SPDYE4: variants seen among roughly 807,000 people sequenced by gnomAD.
The protein encoded by SPDYE4 is speedy/RINGO cell cycle regulator family member E4, also known as speedy protein E4.
In SPDYE4, 30 loss-of-function variants were observed where a neutral mutation model predicts 37.5. That is an observed-to-expected ratio of 0.80 (90% CI 0.60 to 1.09). The LOEUF (loss-of-function observed/expected upper bound fraction) is 1.09, where lower values mean the gene tolerates loss of function less well. Among genes scored for constraint, SPDYE4 ranks in the 50% least tolerant of loss-of-function variants. SPDYE4 has a pLI of 0.00. For missense variants in SPDYE4, 300 were observed against 307.9 expected (o/e 0.97, Z 0.19); for synonymous variants, 131 against 120.3 (o/e 1.09, Z -0.58).
chr17:8,751,697 T>C lies in SPDYE4; in HGVS notation c.*585A>G, dbSNP rs2086729499. 6.6e-6 allele frequency among the ~76,000 whole-genome samples: 1 copy of C among 152,224 alleles called. No homozygotes were observed. The highest frequency in any genetic ancestry group is 6.5e-5 in the Admixed American group (1 of 15,284). On this transcript the variant is annotated 3_prime_UTR_variant, in exon 7 of 7. Coordinates refer to ENST00000689094, the MANE Select transcript of SPDYE4 (RefSeq NM_001394956.1). Reference sequence around the variant, plus strand: ...GTATATAACAACCGTCAGAGAACTCTATAGGAACAGCATGTTTTCAAAACT... The same window carrying C: ...GTATATAACAACCGTCAGAGAACTCCATAGGAACAGCATGTTTTCAAAACT...
chr17:8,755,437 A>C, intron 4 of SPDYE4, 83 bp downstream of exon 4: 2 of 1,476,046 alleles, frequency 1.4e-6, no homozygotes, highest in South Asian at 2.4e-5. Context: ...AGGGTAAAAA[A>C]ATAGATGGAA....
In SPDYE4 at chr17:8,753,450, C is replaced by G; in HGVS notation, c.525G>C (p.Pro175=). The change falls in exon 5 of 7, where the codon CCG becomes CCC. Residue 175 remains proline (P), a synonymous_variant. Coordinates refer to ENST00000689094, the MANE Select transcript of SPDYE4 (RefSeq NM_001394956.1). ...ASDMEEDNQA[P]KQDIFSFLYG... ...AGAGGAAGGAGAAGATGTCTTGTTT[C>G]GGGGCCTGGTTGTCCTCCTCCATGT... 1 of 1,612,900 alleles carries G rather than the reference C, an allele frequency of 6.2e-7. No individual in the cohort carries two copies. The highest frequency in any genetic ancestry group is 8.5e-7 in the Non-Finnish European group (1 of 1,179,468).
rs747449436 is a variant in SPDYE4, at chr17:8,757,296, G to A, written c.306C>T (p.Leu102=). 2.2e-5 allele frequency: 36 copies of A among 1,605,238 alleles called. 1 individual carries two copies. In the South Asian group the frequency reaches 3.8e-4, roughly 17 times the overall value. ...TGTTGAAGGCCTCGTGGTGCTCAGG[G>A]AGCACGGAGGATGCTCGCTTTCGCT... The part of the protein sequence containing the change: ...KLKRKRASSV[L]PEHHEAFNRL... Residue 102 remains leucine, a synonymous_variant, in exon 2 of 7, where the codon CTC becomes CTT. Coordinates refer to ENST00000689094, the MANE Select transcript of SPDYE4 (RefSeq NM_001394956.1).
chr17:8,757,624 T>A, intron 1 of SPDYE4, 132 bp from the exon 2 acceptor site: 2 of 863,942 alleles, frequency 2.3e-6, no homozygotes, highest in Admixed American at 5.8e-5. Context: ...AAGCCATGTT[T>A]CCACCTTTCT....
At chr17:8,755,199 T>C (rs2086761663) in intron 4 of SPDYE4, among the ~76,000 whole-genome samples, 1 of 152,154 alleles carries the variant, frequency 6.6e-6, no homozygotes, top group South Asian at 2.1e-4. Flanking sequence ...GAAAATTGCA[T>C]TTGGTGTTGA....
At chr17:8,753,281 ATCCCTC>A in intron 5 of SPDYE4, 34 bp downstream of exon 5, 1 of 388,124 alleles carries the variant, frequency 2.6e-6, no homozygotes, top group Non-Finnish European at 3.7e-6. Context: ...AGTCCACCCC[ATCCCTC>A]CCCACCCCCA....
intron 3 of SPDYE4, among the ~76,000 whole-genome samples, chr17:8,755,809 T>G (rs2086767428): frequency 1.3e-5 from 2 of 150,930 alleles, no homozygotes; most frequent in East Asian, 1.9e-4. Flanking sequence ...GGGAGGGAGG[T>G]CTGTGATGCT....
intron 6 of SPDYE4, among the ~76,000 whole-genome samples, chr17:8,752,706 G>C (rs983226149): frequency 3.8e-4 from 58 of 152,112 alleles, no homozygotes; most frequent in African/African-American, 1.4e-3. Context: ...AATGTGGTTA[G>C]CTGCACAAGA....
Position 8,751,470 on chromosome 17 carries a change from G to T in SPDYE4, c.*812C>A, listed in dbSNP as rs529882904. On this transcript the variant is annotated 3_prime_UTR_variant, in exon 7 of 7. Coordinates refer to ENST00000689094, the MANE Select transcript of SPDYE4 (RefSeq NM_001394956.1). ...ACAATTCAGTAACAAACAGTAAACA[G>T]AAAATAAACATTTCTATTTGCAAGA... Among the ~76,000 whole-genome samples, 142 of 152,128 alleles carry T rather than the reference G, an allele frequency of 9.3e-4. No homozygotes were observed. Among genetic ancestry groups the T allele is most frequent in the African/African-American group, 3.4e-3 (140 of 41,518 alleles).
In SPDYE4 at chr17:8,753,186, A is replaced by G; in HGVS notation, c.666T>C (p.Tyr222=). 10 of 1,614,070 alleles carry G rather than the reference A, an allele frequency of 6.2e-6. No individual in the cohort carries two copies. Among genetic ancestry groups the G allele is most frequent in the Non-Finnish European group, 8.5e-6 (10 of 1,180,004 alleles). ...SPEEMEEIQA[Y]DPEHWVWARD... ...GGGCCCACACCCAGTGCTCTGGGTC[A>G]TAAGCCTGGATCTGGAAAAACACAC... The change falls in exon 6 of 7, where the codon TAT becomes TAC. Residue 222 remains tyrosine (Y), a synonymous_variant. Transcript: ENST00000689094.
Position 8,756,874 on chromosome 17 carries a change from A to G in SPDYE4, c.340+388T>C, listed in dbSNP as rs188619100. ...GTTTCAGAGGGTACAGCTGAAACCA[A>G]GCTTTCTTTTATCTTTTATTTTATT... On this transcript the variant is annotated intron_variant, in intron 2 of 6. Coordinates refer to ENST00000689094, the MANE Select transcript of SPDYE4 (RefSeq NM_001394956.1). Among the ~76,000 whole-genome samples the G allele has an allele frequency of 4.5e-3, 679 of 152,118 alleles. 5 individuals carry two copies. Among genetic ancestry groups the G allele is most frequent in the African/African-American group, 0.015 (620 of 41,422 alleles).
At chr17:8,756,502 G>T in intron 2 of SPDYE4, 66 bp from the exon 3 acceptor site, 1 of 1,487,708 alleles carries the variant, frequency 6.7e-7, no homozygotes, top group Non-Finnish European at 9.3e-7. Context: ...CAGCAGAGCA[G>T]AGAGGAGAAC....
chr17:8,754,913 G>T (rs2086759138), intron 4 of SPDYE4, among the ~76,000 whole-genome samples: 1 of 152,190 alleles, frequency 6.6e-6, no homozygotes, highest in African/African-American at 2.4e-5. Context: ...TGGTGGGCAG[G>T]TTTGGTGGTA....
rs770354561 is a variant in SPDYE4, at chr17:8,753,539, C to T, written c.486-50G>A. On this transcript the variant is annotated intron_variant, in intron 4 of 6. Coordinates refer to ENST00000689094, the MANE Select transcript of SPDYE4 (RefSeq NM_001394956.1). ...CTCAGGGGCCCCACCAGGAGGGACC[C>T]CTGCCTGAGGGCAGCCTCTCAGAGA... is the stretch of plus-strand genomic sequence containing the variant. 134 of 1,600,290 alleles carry T rather than the reference C, an allele frequency of 8.4e-5. No individual in the cohort carries two copies. In the Middle Eastern group the frequency reaches 1.2e-3, roughly 14 times the overall value.
At position 8,756,425 on chromosome 17, in the gene SPDYE4, C is replaced by T. The variant is rs371729755; in HGVS notation, c.352G>A (p.Val118Ile). Reference protein sequence around the residue: ...AFNRLLGDPVVQKFLAWDKDL... With the variant: ...AFNRLLGDPVIQKFLAWDKDL... Reference sequence around the variant, plus strand: ...TTGTCCCAGGCCAGGAATTTTTGAACGACAGGATCCCCTGTGAAAAGAGAG... The same window carrying T: ...TTGTCCCAGGCCAGGAATTTTTGAATGACAGGATCCCCTGTGAAAAGAGAG... The change falls in exon 3 of 7, where the codon GTT becomes ATT. Residue 118 changes from valine (V) to isoleucine (I), a missense_variant. Coordinates refer to ENST00000689094, the MANE Select transcript of SPDYE4 (RefSeq NM_001394956.1). 6.4e-5 allele frequency: 103 copies of T among 1,613,856 alleles called. 1 individual carries two copies. Among genetic ancestry groups the T allele is most frequent in the Non-Finnish European group, 7.6e-5 (90 of 1,179,924 alleles).
chr17:8,750,069 C>T (rs1426772225), downstream of SPDYE4, among the ~76,000 whole-genome samples: 2 of 152,158 alleles, frequency 1.3e-5, no homozygotes, highest in African/African-American at 2.4e-5. Flanking sequence ...ACCCGAGATA[C>T]TTCCCTCCTG....
rs748541549 is a variant in SPDYE4, at chr17:8,753,088, A to T, written c.*44+6T>A. 1 of 1,594,030 alleles carries T rather than the reference A, an allele frequency of 6.3e-7. No individual in the cohort carries two copies. The highest frequency in any genetic ancestry group is 1.1e-5 in the South Asian group (1 of 90,430). ...TCTGCCTTTACCCTGGAGGATACACACGTACCTTCCCTCAGGCCGATGACC... is the reference window on the plus strand; with the variant it reads ...TCTGCCTTTACCCTGGAGGATACACTCGTACCTTCCCTCAGGCCGATGACC... On this transcript the variant is annotated splice_donor_region_variant and intron_variant, in intron 6 of 6. Transcript: ENST00000689094.
At chr17:8,749,565 C>T (rs1316999370), downstream of SPDYE4, among the ~76,000 whole-genome samples, 1 of 151,922 alleles carries the variant, frequency 6.6e-6, no homozygotes, top group Non-Finnish European at 1.5e-5. Context: ...CGTGCCAGGC[C>T]CAGTTTTGTA....
At chr17:8,749,314 A>G (rs553808654), downstream of SPDYE4, among the ~76,000 whole-genome samples, 1 of 151,368 alleles carries the variant, frequency 6.6e-6, no homozygotes, top group East Asian at 2.0e-4. Context: ...CCCAGGCTGG[A>G]GTGCAGTGGA....
Sources: gnomAD v4.1 joint callset for allele counts (sites outside exome capture counted in the v4.1 genomes callset) on GRCh38, gnomAD v4.1.1 for gene constraint, MANE v1.5 for transcripts, NCBI Gene and HGNC (gene_info 2026-07-23, HGNC 2026-07-21) for gene names.